Variants in BPTF observed in about 807,000 individuals in gnomAD.
BPTF encodes the protein bromodomain PHD finger transcription factor.
Under a neutral mutation model 292.5 loss-of-function variants are expected in BPTF, and 18 were observed. The observed-to-expected ratio is 0.06, with a 90% CI of 0.04 to 0.09. The LOEUF is 0.09. Ranked by LOEUF, BPTF falls within the 10% of genes least tolerant of loss-of-function variation. The pLI, the probability that BPTF is intolerant of heterozygous loss-of-function variation, is 1.00. For missense variants in BPTF, 2,726 were observed against 3,498.7 expected (o/e 0.78, Z 5.57); for synonymous variants, 1,225 against 1,251.9 (o/e 0.98, Z 0.45).
chr17:67,957,266 A>G (rs1555681551), intron 23 of BPTF: 1 of 152,768 alleles, frequency 6.5e-6, no homozygotes, highest in Non-Finnish European at 1.5e-5. Flanking sequence ...CTGGGCAACA[A>G]GAGCGAAACT....
In BPTF at chr17:67,975,830, T is replaced by C. The variant is rs1238015490; in HGVS notation, c.8598T>C (p.Phe2866=). 1.2e-6 allele frequency: 2 copies of C among 1,614,086 alleles called. No individual in the cohort carries two copies. The highest frequency in any genetic ancestry group is 1.7e-6 in the Non-Finnish European group (2 of 1,180,000). The change falls in exon 27 of 28, where the codon TTT becomes TTC. Residue 2866 remains phenylalanine (F), a synonymous_variant. Transcript: ENST00000306378. Reference sequence around the variant, plus strand: ...GATATTATGAAAAGCTGACGGAATTTGTGGCAGATATGACCAAAATTTTTG... The same window carrying C: ...GATATTATGAAAAGCTGACGGAATTCGTGGCAGATATGACCAAAATTTTTG... ...QRRYYEKLTE[F]VADMTKIFDN...
rs1454782543 is a variant in BPTF, at chr17:67,875,029, A to G, written c.1864+9A>G. 6.3e-7 allele frequency: 1 copy of G among 1,592,074 alleles called. No homozygotes were observed. Among genetic ancestry groups the G allele is most frequent in the South Asian group, 1.1e-5 (1 of 87,508 alleles). On this transcript the variant is annotated intron_variant, in intron 4 of 27. Transcript: ENST00000306378. ...GCAAGGAAAATCTGAGGGTAAAAAA[A>G]TTACTTGATTAAAAAGAAATATTTC...
At chr17:67,962,068 G>GGGA (rs2067561429) in intron 24 of BPTF, among the ~76,000 whole-genome samples, 1 of 152,204 alleles carries the variant, frequency 6.6e-6, no homozygotes, top group African/African-American at 2.4e-5. Context: ...ACATGAGCCT[G>GGGA]GGAGGTCCAG....
At chr17:67,939,464 A>T (rs1275043354) in intron 18 of BPTF, among the ~76,000 whole-genome samples, 2 of 152,220 alleles carry the variant, frequency 1.3e-5, no homozygotes, top group African/African-American at 4.8e-5. Flanking sequence ...ATGGGGGAAA[A>T]TTCCACTTGC....
At chr17:67,926,624 A>G (rs543607919) in intron 15 of BPTF, among the ~76,000 whole-genome samples, 2 of 152,118 alleles carry the variant, frequency 1.3e-5, no homozygotes, top group African/African-American at 4.8e-5. Context: ...GCACCCAGCC[A>G]GTATATTACT....
chr17:67,934,730 G>C (rs1309899758), intron 18 of BPTF, among the ~76,000 whole-genome samples: 2 of 151,546 alleles, frequency 1.3e-5, no homozygotes, highest in Non-Finnish European at 2.9e-5. Context: ...AAATTAGCTG[G>C]GTGTGGTGGT....
chr17:67,872,206 A>G (rs12937518), intron 3 of BPTF, among the ~76,000 whole-genome samples: 1 of 152,238 alleles, frequency 6.6e-6, no homozygotes, highest in African/African-American at 2.4e-5. Context: ...ATATATGTAT[A>G]TGTGTATTTA....
chr17:67,866,697 G>A lies in BPTF; in HGVS notation c.1660+10G>A, dbSNP rs781272795. 2.5e-6 allele frequency: 4 copies of A among 1,597,326 alleles called. No individual in the cohort carries two copies. Among genetic ancestry groups the A allele is most frequent in the East Asian group, 4.5e-5 (2 of 44,756 alleles). ...CTGGCGGCAGCTAATGGTGAGAGGG[G>A]CATTTTCTCATTTTATTTTTGTTAA... is the stretch of plus-strand genomic sequence containing the variant. On this transcript the variant is annotated intron_variant, in intron 3 of 27. Coordinates refer to ENST00000306378, the MANE Select transcript of BPTF (RefSeq NM_182641.4).
intron 2 of BPTF, among the ~76,000 whole-genome samples, chr17:67,855,819 C>CA (rs2058657647): frequency 6.6e-6 from 1 of 152,202 alleles, no homozygotes; most frequent in Non-Finnish European, 1.5e-5. Flanking sequence ...AAATGAATGT[C>CA]AGAGCAGGGC....
At chr17:67,973,200 C>T (rs1346997312) in intron 26 of BPTF, among the ~76,000 whole-genome samples, 2 of 150,042 alleles carry the variant, frequency 1.3e-5, no homozygotes, top group Non-Finnish European at 3.0e-5. Flanking sequence ...CGGTGAAACC[C>T]CGTCTCTACT....
intron 23 of BPTF, among the ~76,000 whole-genome samples, chr17:67,952,040 G>A (rs575839796): frequency 5.2e-5 from 6 of 115,850 alleles, no homozygotes; most frequent in Admixed American, 1.0e-4. Context: ...GGGCGACAGA[G>A]TGAGACTCTG....
intron 1 of BPTF, among the ~76,000 whole-genome samples, chr17:67,839,129 TA>T (rs543954995): frequency 1.8e-4 from 26 of 144,360 alleles, no homozygotes; most frequent in Non-Finnish European, 2.1e-4. Flanking sequence ...ACCTGGGTAA[TA>T]AAAAAAAAAG....
intron 1 of BPTF, among the ~76,000 whole-genome samples, chr17:67,837,045 C>T (rs1041568208): frequency 2.0e-4 from 30 of 152,150 alleles, no homozygotes; most frequent in African/African-American, 7.2e-4. Flanking sequence ...TCAGAAGAAA[C>T]CTAACAGTGG....
intron 1 of BPTF, among the ~76,000 whole-genome samples, chr17:67,844,249 A>G (rs1162996593): frequency 2.1e-5 from 3 of 145,896 alleles, no homozygotes; most frequent in African/African-American, 5.1e-5. Context: ...ATGTCTGGCG[A>G]ATTTTTTTTT....
chr17:67,834,328 A>AC (rs1484118079), intron 1 of BPTF, among the ~76,000 whole-genome samples: 1 of 152,142 alleles, frequency 6.6e-6, no homozygotes, highest in East Asian at 1.9e-4. Context: ...TTTGTTTTGC[A>AC]CCCCAAAATT....
chr17:67,949,688 C>CAT (rs1568155210), intron 23 of BPTF, among the ~76,000 whole-genome samples: 356 of 150,168 alleles, frequency 2.4e-3, no homozygotes, highest in African/African-American at 7.5e-3. Context: ...CACAGACATA[C>CAT]ATATATATAT....
chr17:67,882,065 C>T, intron 4 of BPTF, among the ~76,000 whole-genome samples: 1 of 151,946 alleles, frequency 6.6e-6, no homozygotes, highest in East Asian at 1.9e-4. Flanking sequence ...GAACTCCTGA[C>T]CTCAGGTGAT....
chr17:67,912,065 A>G lies in BPTF; in HGVS notation c.4181A>G (p.Glu1394Gly). 5.0e-6 allele frequency: 8 copies of G among 1,610,688 alleles called. No homozygotes were observed. The highest frequency in any genetic ancestry group is 6.8e-6 in the Non-Finnish European group (8 of 1,179,056). Residue 1394 changes from glutamate (E) to glycine (G), a missense_variant, in exon 11 of 28, where the codon GAG becomes GGG. This residue lies in a region of BPTF where 713 missense variants were observed against 714.9 expected (regional missense o/e 1.00). Coordinates refer to ENST00000306378, the MANE Select transcript of BPTF (RefSeq NM_182641.4). ...GACAAAAAGAATAATGAAAATCGAGAGTCTGAAAAGAAAGGACAGAGAACA... is the reference window on the plus strand; with the variant it reads ...GACAAAAAGAATAATGAAAATCGAGGGTCTGAAAAGAAAGGACAGAGAACA... The part of the protein sequence containing the change: ...TTDKKNNENR[E>G]SEKKGQRTST...
At chr17:67,923,458 C>CCT (rs954570450) in intron 14 of BPTF, among the ~76,000 whole-genome samples, 1 of 142,836 alleles carries the variant, frequency 7.0e-6, no homozygotes, top group African/African-American at 2.6e-5. Context: ...TTAGTAAGGT[C>CCT]CTCTCTCTCT....
Sources: gnomAD v4.1 joint callset for allele counts (sites outside exome capture counted in the v4.1 genomes callset) on GRCh38, gnomAD v4.1.1 for gene constraint, gnomAD v4.1.1 regional missense constraint, MANE v1.5 for transcripts, NCBI Gene and HGNC (gene_info 2026-07-23, HGNC 2026-07-21) for gene names.